The following ENOX1 variants were observed in gnomAD, a reference collection of about 807,000 sequenced individuals.
The protein encoded by ENOX1 is candidate growth-related and time keeping constitutive hydroquinone (NADH) oxidase.
Under a neutral mutation model 82.5 loss-of-function variants are expected in ENOX1, and 42 were observed. The observed-to-expected ratio is 0.51, with a 90% CI of 0.40 to 0.66. ENOX1 has a LOEUF of 0.66. Ranked by LOEUF, ENOX1 falls within the 30% of genes least tolerant of loss-of-function variation. The pLI, the probability that ENOX1 is intolerant of heterozygous loss-of-function variation, is 0.00. For synonymous variants in ENOX1, 271 were observed against 282.2 expected (o/e 0.96, Z 0.40); for missense variants, 608 against 811.6 (o/e 0.75, Z 3.05).
At chr13:43,455,397 A>G (rs1425124998) in intron 3 of ENOX1, among the ~76,000 whole-genome samples, 1 of 152,186 alleles carries the variant, frequency 6.6e-6, no homozygotes, top group Non-Finnish European at 1.5e-5. Context: ...TAGAGTAAAG[A>G]ACCCTAATGA....
At chr13:43,676,782 C>T (rs1324596281) in intron 1 of ENOX1, among the ~76,000 whole-genome samples, 9 of 152,082 alleles carry the variant, frequency 5.9e-5, no homozygotes, top group African/African-American at 1.9e-4. Context: ...ATAGCTGGTC[C>T]GTTGCACCCT....
chr13:43,541,904 T>C (rs1431999816), intron 2 of ENOX1, among the ~76,000 whole-genome samples: 1 of 152,170 alleles, frequency 6.6e-6, no homozygotes, highest in Non-Finnish European at 1.5e-5. Flanking sequence ...GTTGAGTAAC[T>C]GAACATTTTT....
intron 12 of ENOX1, among the ~76,000 whole-genome samples, chr13:43,290,788 A>G (rs2045958888): frequency 6.6e-6 from 1 of 152,204 alleles, no homozygotes; most frequent in South Asian, 2.1e-4. Flanking sequence ...GTACTTTGGG[A>G]GGTTGAGGCG....
intron 13 of ENOX1, among the ~76,000 whole-genome samples, chr13:43,265,841 A>G (rs1256807695): frequency 6.6e-6 from 1 of 152,236 alleles, no homozygotes; most frequent in Non-Finnish European, 1.5e-5. Flanking sequence ...ATGTTATATT[A>G]ACGATTATTC....
chr13:43,321,228 A>C (rs1593917511), intron 11 of ENOX1: 1 of 446,560 alleles, frequency 2.2e-6, no homozygotes, highest in South Asian at 1.6e-5. Context: ...TCACTTCCCC[A>C]CACCCTGTAG....
In ENOX1 at chr13:43,354,126, T is replaced by C. The variant is rs547082817; in HGVS notation, c.823+1793A>G. Among the ~76,000 whole-genome samples, 247 of 135,412 alleles carry C rather than the reference T, an allele frequency of 1.8e-3. 1 individual carries two copies. The highest frequency in any genetic ancestry group is 3.5e-3 in the Non-Finnish European group (213 of 60,358). The allele number at this position is 135,412 out of a possible 152,430, so 88.8% of individuals were successfully genotyped here. The stretch of plus-strand genomic sequence containing the variant: ...GATCATAATCTGATACCACAATACA[T>C]TGGATATTAAAGAAAAATTATTGTT... On this transcript the variant is annotated intron_variant, in intron 8 of 16. Transcript: ENST00000690772.
intron 1 of ENOX1, among the ~76,000 whole-genome samples, chr13:43,685,046 T>TACA: frequency 6.6e-6 from 1 of 152,186 alleles, no homozygotes; most frequent in East Asian, 1.9e-4. Context: ...GGCCTTACTG[T>TACA]GTAAATCATG....
chr13:43,279,579 C>T (rs867335417), intron 12 of ENOX1, among the ~76,000 whole-genome samples: 3 of 152,140 alleles, frequency 2.0e-5, no homozygotes, highest in Non-Finnish European at 2.9e-5. Flanking sequence ...CTCAGGTTCC[C>T]GTTTTTCACT....
intron 1 of ENOX1, among the ~76,000 whole-genome samples, chr13:43,695,957 C>G (rs1191918814): frequency 6.6e-6 from 1 of 152,154 alleles, no homozygotes; most frequent in Non-Finnish European, 1.5e-5. Flanking sequence ...CATCCCCCCA[C>G]TACAACCCAT....
intron 1 of ENOX1, among the ~76,000 whole-genome samples, chr13:43,694,819 C>G (rs149902874): frequency 6.6e-6 from 1 of 152,280 alleles, no homozygotes; most frequent in African/African-American, 2.4e-5. Context: ...CCCAAGTTTT[C>G]TCCCGTTTCT....
chr13:43,453,415 G>A lies in ENOX1; in HGVS notation c.-75+30594C>T, dbSNP rs1186860885. 2.0e-5 allele frequency among the ~76,000 whole-genome samples: 3 copies of A among 152,206 alleles called. No individual in the cohort carries two copies. In the South Asian group the frequency reaches 6.2e-4, roughly 31 times the overall value. On this transcript the variant is annotated intron_variant, in intron 3 of 16. Transcript: ENST00000690772. The stretch of plus-strand genomic sequence containing the variant: ...CAAAAACAAAAAGCCATACATTCTA[G>A]TGATGTTTATTTTTGCAGATAGAGA...
Position 43,441,209 on chromosome 13 carries a change from G to A in ENOX1, c.-74-28221C>T, listed in dbSNP as rs116259301. ...GGAATGATTCCATGTTGCATCCAGC[G>A]TATTAACTAAGTGTTATGATGCAAA... On this transcript the variant is annotated intron_variant, in intron 3 of 16. Coordinates refer to ENST00000690772, the MANE Select transcript of ENOX1 (RefSeq NM_001347969.2). 1.3e-3 allele frequency among the ~76,000 whole-genome samples: 200 copies of A among 152,232 alleles called. 2 individuals carry two copies. The highest frequency in any genetic ancestry group is 4.6e-3 in the African/African-American group (192 of 41,514).
chr13:43,565,713 A>G lies in ENOX1; in HGVS notation c.-218-81561T>C, dbSNP rs144602523. ...TAGTTTGTCTGTGAGCTTCCAAATTAGCAGTTTGGACAAAATCAGGAACAG... is the reference window on the plus strand; with the variant it reads ...TAGTTTGTCTGTGAGCTTCCAAATTGGCAGTTTGGACAAAATCAGGAACAG... On this transcript the variant is annotated intron_variant, in intron 2 of 16. Transcript: ENST00000690772. 1.8e-3 allele frequency among the ~76,000 whole-genome samples: 274 copies of G among 152,302 alleles called. 3 individuals carry two copies. Among genetic ancestry groups the G allele is most frequent in the Admixed American group, 3.6e-3 (55 of 15,290 alleles).
At chr13:43,767,416 C>G (rs1372154157) in intron 1 of ENOX1, among the ~76,000 whole-genome samples, 1 of 152,196 alleles carries the variant, frequency 6.6e-6, no homozygotes, top group Non-Finnish European at 1.5e-5. Flanking sequence ...GGGAGCCAAA[C>G]TTTATGCAGC....
intron 3 of ENOX1, chr13:43,458,899 C>T (rs183795094): frequency 6.6e-6 from 1 of 152,282 alleles, no homozygotes; most frequent in Admixed American, 6.5e-5. Context: ...TACTTGACTA[C>T]AGACTCTCCC....
At chr13:43,444,460 A>G (rs545527351) in intron 3 of ENOX1, among the ~76,000 whole-genome samples, 1 of 152,258 alleles carries the variant, frequency 6.6e-6, no homozygotes, top group African/African-American at 2.4e-5. Context: ...GAGAGAGAAA[A>G]AAGTTCTGGG....
chr13:43,581,325 G>A (rs889356229), intron 2 of ENOX1, among the ~76,000 whole-genome samples: 1 of 150,948 alleles, frequency 6.6e-6, no homozygotes, highest in African/African-American at 2.4e-5. Flanking sequence ...GTAGAGACGG[G>A]GTTTCACCGT....
At chr13:43,685,873 AACACACACACACACACAC>A (rs60259011) in intron 1 of ENOX1, among the ~76,000 whole-genome samples, 11 of 141,422 alleles carry the variant, frequency 7.8e-5, no homozygotes, top group East Asian at 6.3e-4. Context: ...CCCAGAAGGA[AACACACACACACACACAC>A]ACACACACAC....
intron 14 of ENOX1, among the ~76,000 whole-genome samples, chr13:43,245,304 C>T (rs2043029869): frequency 6.6e-6 from 1 of 152,186 alleles, no homozygotes; most frequent in Non-Finnish European, 1.5e-5. Context: ...CTTCCTGCTC[C>T]CTGATTCCAT....
Sources: allele counts gnomAD v4.1 joint callset (sites outside exome capture counted in the v4.1 genomes callset), GRCh38; gene constraint gnomAD v4.1.1; transcripts MANE v1.5; gene names NCBI Gene and HGNC (gene_info 2026-07-23, HGNC 2026-07-21).